NUP43: variants seen among roughly 807,000 people sequenced by gnomAD.
NUP43 encodes the protein nucleoporin 43, also known as nucleoporin Nup43.
A neutral mutation model predicts 47.3 loss-of-function variants in NUP43; 32 were observed. The observed-to-expected ratio is 0.68, with a 90% confidence interval of 0.51 to 0.91. The LOEUF is 0.91. NUP43 is among the 40% of genes least tolerant of loss of function. The probability of loss-of-function intolerance (pLI) is 0.00; values close to 1 mark genes in which losing one functional copy is unlikely to be tolerated. For missense variants in NUP43, 444 were observed against 453.9 expected (o/e 0.98, Z 0.20); for synonymous variants, 147 against 158.4 (o/e 0.93, Z 0.54).
intron 5 of NUP43, among the ~76,000 whole-genome samples, chr6:149,737,715 G>A (rs1205897605): frequency 6.6e-6 from 1 of 152,088 alleles, no homozygotes; most frequent in East Asian, 1.9e-4. Context: ...CTGCCTCCCA[G>A]GTTCAAGTGA....
chr6:149,746,546 TCTC>T, upstream of NUP43: 1 of 1,613,472 alleles, frequency 6.2e-7, no homozygotes, highest in African/African-American at 1.3e-5. Context: ...AGTACGCGCC[TCTC>T]AGCACCGCCT....
chr6:149,743,807 A>G (rs1054046338), intron 2 of NUP43, 92 bp from the exon 3 acceptor site: 8 of 728,808 alleles, frequency 1.1e-5, no homozygotes, highest in African/African-American at 2.4e-5. Flanking sequence ...AGCAAATCTT[A>G]TAACAATTTT....
rs1297730999 is a variant in NUP43, at chr6:149,726,233, C to T, written c.*736G>A. On this transcript the variant is annotated 3_prime_UTR_variant, in exon 8 of 8. Transcript: ENST00000340413. ...CCATCCTGGCCAACATGGTGAAACT[C>T]TGTCTCTACTAAAATTACAAAAATT... 1 of 152,090 alleles carries T rather than the reference C, an allele frequency of 6.6e-6. No homozygotes were observed. The highest frequency in any genetic ancestry group is 1.5e-5 in the Non-Finnish European group (1 of 68,132). The allele number at this position is 152,090 out of a possible 1,614,324, so 9.4% of individuals were successfully genotyped here. A position where few individuals can be genotyped will look rare whatever the true frequency, so the allele number is the denominator to read the frequency against.
chr6:149,746,656 C>T, upstream of NUP43: 3 of 1,565,804 alleles, frequency 1.9e-6, no homozygotes, highest in South Asian at 1.2e-5. Context: ...ACAGTCAGTA[C>T]CTAGACTGAG....
chr6:149,738,636 C>T lies in NUP43; in HGVS notation c.638+7G>A. 6.4e-7 allele frequency: 1 copy of T among 1,553,142 alleles called. No individual in the cohort carries two copies. The highest frequency in any genetic ancestry group is 8.7e-7 in the Non-Finnish European group (1 of 1,152,082). ...TTACATTACTGAAATTACAAATCAA[C>T]ACTTACAGTGACAATATCTGAGAAG... On this transcript the variant is annotated splice_region_variant and intron_variant, in intron 5 of 7. Coordinates refer to ENST00000340413, the MANE Select transcript of NUP43 (RefSeq NM_198887.3).
chr6:149,732,130 C>T (rs1198156570), intron 6 of NUP43, among the ~76,000 whole-genome samples: 3 of 144,750 alleles, frequency 2.1e-5, no homozygotes, highest in South Asian at 2.2e-4. Context: ...TGCAGTGAGC[C>T]GAGCTCGCAC....
At position 149,742,652 on chromosome 6, in the gene NUP43, C is replaced by T. The variant is rs150426357; in HGVS notation, c.322-82G>A. On this transcript the variant is annotated intron_variant, in intron 3 of 7. Coordinates refer to ENST00000340413, the MANE Select transcript of NUP43 (RefSeq NM_198887.3). ...TTCCCAACAAGAGTATCTTTAAATT[C>T]TGACTCACACCCTTCTACAAGAATA... 3.5e-4 allele frequency: 342 copies of T among 975,198 alleles called. No individual in the cohort carries two copies. The African/African-American group carries it at 5.1e-3, about 14-fold the overall frequency. 60.4% of individuals were successfully genotyped at this position (975,198 alleles called of 1,614,324 possible).
rs1363665517 is a variant in NUP43, at chr6:149,736,325, G to T, written c.790+146C>A. 6 of 528,606 alleles carry T rather than the reference G, an allele frequency of 1.1e-5. No homozygotes were observed. In the East Asian group the frequency reaches 2.0e-4, roughly 17 times the overall value. 32.7% of individuals were successfully genotyped at this position (528,606 alleles called of 1,614,324 possible). ...AAAGAACTTAAATGTCGAGTAAAAA[G>T]AAATTACATAACTATTTAAATTTAC... On this transcript the variant is annotated intron_variant, in intron 6 of 7. Transcript: ENST00000340413.
intron 7 of NUP43, 79 bp downstream of exon 7, chr6:149,731,534 G>C: frequency 3.0e-6 from 4 of 1,333,650 alleles, no homozygotes. Context: ...CTGCATTCCA[G>C]CCTGGGTGAT....
upstream of NUP43, among the ~76,000 whole-genome samples, chr6:149,747,692 G>A (rs1786083891): frequency 6.6e-6 from 1 of 152,116 alleles, no homozygotes; most frequent in Non-Finnish European, 1.5e-5. Context: ...CAAGAGATAT[G>A]ACTTATTCAA....
rs1378421074 is a variant in NUP43 at position 149,743,664 on chromosome 6, CTG to C, written c.293_294del (p.Thr98SerfsTer8). 6.2e-7 allele frequency: 1 copy of C among 1,607,716 alleles called. No homozygotes were observed. The highest frequency in any genetic ancestry group is 8.5e-7 in the Non-Finnish European group (1 of 1,176,010). On this transcript the variant is annotated frameshift_variant, in exon 3 of 8. Transcript: ENST00000340413. LOFTEE classifies it high-confidence loss of function. ...TGGTTATTTGGATGGTGAAGGAAAA[CTG>C]TTACACATCCTGTTGATGAAGCAGC... ...IVAASSTGCVTVFLHHPNNQT... is the reference protein window; with the variant it reads ...IVAASSTGCVXVFLHHPNNQT...
Position 149,731,207 on chromosome 6 carries a change from T to A in NUP43, c.913+406A>T, listed in dbSNP as rs180786278. 1.8e-3 allele frequency among the ~76,000 whole-genome samples: 274 copies of A among 151,858 alleles called. 1 individual carries two copies. The highest frequency in any genetic ancestry group is 6.3e-3 in the African/African-American group (260 of 41,378). ...AAAGCTTGAACCTGAGAGGCAGAGGTTGCAGTGAGCTGAGACTGCACCACT... is the reference window on the plus strand; with the variant it reads ...AAAGCTTGAACCTGAGAGGCAGAGGATGCAGTGAGCTGAGACTGCACCACT... On this transcript the variant is annotated intron_variant, in intron 7 of 7. Coordinates refer to ENST00000340413, the MANE Select transcript of NUP43 (RefSeq NM_198887.3).
In NUP43 at chr6:149,740,619, C is replaced by T. The variant is rs115673523; in HGVS notation, c.502+1771G>A. 5.2e-3 allele frequency among the ~76,000 whole-genome samples: 796 copies of T among 152,186 alleles called. 7 individuals are homozygous for T. Among genetic ancestry groups the T allele is most frequent in the African/African-American group, 0.019 (769 of 41,520 alleles). ...ACTCCAGCCTGGTGACAGAGCGTGA[C>T]TCCATCTAAACAAACAAACAAACAA... On this transcript the variant is annotated intron_variant, in intron 4 of 7. Transcript: ENST00000340413.
intron 2 of NUP43, among the ~76,000 whole-genome samples, chr6:149,744,945 C>T (rs1271913665): frequency 6.7e-6 from 1 of 149,668 alleles, no homozygotes; most frequent in Non-Finnish European, 1.5e-5. Flanking sequence ...GAGTTTCGCT[C>T]TTGTTGCCCA....
chr6:149,742,488 G>A lies in NUP43; in HGVS notation c.404C>T (p.Thr135Ile). Residue 135 changes from threonine (T) to isoleucine (I), a missense_variant, in exon 4 of 8, where the codon ACA becomes ATA. Transcript: ENST00000340413. ...GSPSYSSAPC[T>I]GVVCNNPEIV... Reference sequence around the variant, plus strand: ...TTCTGGGTTGTTGCACACAACACCTGTACATGGTGCACTGCTATAGGAAGG... The same window carrying A: ...TTCTGGGTTGTTGCACACAACACCTATACATGGTGCACTGCTATAGGAAGG... 1 of 1,613,958 alleles carries A rather than the reference G, an allele frequency of 6.2e-7. No individual in the cohort carries two copies. Among genetic ancestry groups the A allele is most frequent in the Non-Finnish European group, 8.5e-7 (1 of 1,179,814 alleles).
intron 6 of NUP43, among the ~76,000 whole-genome samples, chr6:149,732,923 A>G (rs1029530032): frequency 2.0e-5 from 3 of 151,922 alleles, no homozygotes; most frequent in African/African-American, 7.3e-5. Context: ...TTTTATTTTT[A>G]TTTTTTTAAA....
chr6:149,728,273 C>A, intron 7 of NUP43: 1 of 982,398 alleles, frequency 1.0e-6, no homozygotes. Context: ...ATAGTAGACA[C>A]AGAATAAAGT....
At chr6:149,739,647 T>C (rs12660304) in intron 4 of NUP43, among the ~76,000 whole-genome samples, 60,883 of 151,924 alleles carry the variant, frequency 0.4, 13,100 homozygotes, top group East Asian at 0.81. Flanking sequence ...CTCTTAAGAT[T>C]GTTACCCTGC....
At chr6:149,743,597 C>CA (rs34447002) in intron 3 of NUP43, 41 bp downstream of exon 3, 25,169 of 1,132,200 alleles carry the variant, frequency 0.022, 2 homozygotes, top group South Asian at 0.045. Context: ...AACTCCATTT[C>CA]AAAAAAAAAA....
Sources: gnomAD v4.1 joint callset for allele counts (sites outside exome capture counted in the v4.1 genomes callset) on GRCh38, gnomAD v4.1.1 for gene constraint, MANE v1.5 for transcripts, NCBI Gene and HGNC (gene_info 2026-07-23, HGNC 2026-07-21) for gene names.